Variants in CHRM3 observed in about 807,000 individuals in gnomAD.
CHRM3 encodes muscarinic acetylcholine receptor M3.
In CHRM3, 11 loss-of-function variants were observed where a neutral mutation model predicts 41.8. The observed-to-expected ratio is 0.26, with a 90% CI of 0.17 to 0.44. CHRM3 has a LOEUF of 0.44. CHRM3 is among the 20% of genes least tolerant of loss of function. The pLI is 1.00. For missense variants in CHRM3, 571 were observed against 745.4 expected, an observed-to-expected ratio of 0.77 and a Z score of 2.72; for synonymous variants, 297 against 301.4, an observed-to-expected ratio of 0.99 and a Z score of 0.15.
chr1:239,479,589 A>C (rs905798867), intron 1 of CHRM3, among the ~76,000 whole-genome samples: 5 of 152,186 alleles, frequency 3.3e-5, no homozygotes, highest in Non-Finnish European at 7.3e-5. Context: ...GAGTGCACTT[A>C]CACAAGCCAA....
At chr1:239,647,882 T>C (rs901579712) in intron 4 of CHRM3, among the ~76,000 whole-genome samples, 2 of 152,160 alleles carry the variant, frequency 1.3e-5, no homozygotes, top group Admixed American at 1.3e-4. Flanking sequence ...TTGGCTTCTA[T>C]GTCTCTCAGT....
chr1:239,779,164 G>A (rs977284870), intron 5 of CHRM3, among the ~76,000 whole-genome samples: 5 of 152,038 alleles, frequency 3.3e-5, no homozygotes, highest in South Asian at 2.1e-4. Context: ...TAGACTACAC[G>A]TTTTAGAGAA....
chr1:239,660,534 C>A (rs1252966031), intron 4 of CHRM3, among the ~76,000 whole-genome samples: 1 of 152,126 alleles, frequency 6.6e-6, no homozygotes, highest in Non-Finnish European at 1.5e-5. Context: ...TGAACACTTA[C>A]TATATTCCAG....
intron 5 of CHRM3, among the ~76,000 whole-genome samples, chr1:239,808,363 A>G (rs1445077091): frequency 6.6e-6 from 1 of 152,158 alleles, no homozygotes; most frequent in African/African-American, 2.4e-5. Context: ...ATTAATCTGC[A>G]ACAGAGAAGG....
In CHRM3 at chr1:239,907,622, T is replaced by G. The variant is rs201554826; in HGVS notation, c.171T>G (p.Asp57Glu). ...TCTCCTCTCCAGACGGTACCACCGA[T>G]GACCCTCTGGGAGGTCATACCGTCT... Reference protein sequence around the residue: ...GNFSSPDGTTDDPLGGHTVWQ... With the variant: ...GNFSSPDGTTEDPLGGHTVWQ... The change falls in exon 7 of 7, where the codon GAT (aspartate) becomes GAG (glutamate). Residue 57 changes from aspartate (D) to glutamate (E), a missense_variant. Physicochemically the swap from Asp to Glu is conservative, Grantham distance 45. Around this residue, in one of 5 missense-constraint regions of CHRM3, gnomAD observed 92 missense variants for 76.1 expected, o/e 1.21. Coordinates refer to ENST00000676153, the MANE Select transcript of CHRM3 (RefSeq NM_001375978.1). This position sits in a 1 kb window ranked among gnomAD's most constrained non-coding sequence, Gnocchi z 5.4. 2 of 1,614,228 alleles carry G rather than the reference T, an allele frequency of 1.2e-6. No individual in the cohort carries two copies. The highest frequency in any genetic ancestry group is 1.7e-6 in the Non-Finnish European group (2 of 1,180,038).
In CHRM3 at chr1:239,914,732, C is replaced by T; in HGVS notation, c.*5508C>T. 2 of 167,160 alleles carry T rather than the reference C, an allele frequency of 1.2e-5. No individual in the cohort carries two copies. 10.4% of individuals were successfully genotyped at this position (167,160 alleles called of 1,614,324 possible). On this transcript the variant is annotated 3_prime_UTR_variant, in exon 7 of 7. Transcript: ENST00000676153. ...CTGGAGGGCCTGGAGAGTTCATAAA[C>T]ATAGTTTTCTGTGCAAGTGAAGATC...
At chr1:239,805,652 G>A (rs1470635067) in intron 5 of CHRM3, among the ~76,000 whole-genome samples, 2 of 151,984 alleles carry the variant, frequency 1.3e-5, no homozygotes, top group African/African-American at 4.8e-5. Context: ...GTGTGTGTGT[G>A]TGTATACACA....
chr1:239,618,635 G>A (rs899931949), intron 3 of CHRM3, among the ~76,000 whole-genome samples: 2 of 151,666 alleles, frequency 1.3e-5, no homozygotes, highest in Non-Finnish European at 1.5e-5. Context: ...ACGAGGTCAG[G>A]AGATCGAGAC....
intron 6 of CHRM3, among the ~76,000 whole-genome samples, chr1:239,838,197 G>A (rs1373067889): frequency 1.3e-5 from 2 of 152,280 alleles, no homozygotes; most frequent in Middle Eastern, 3.4e-3. Context: ...TATTTGGACT[G>A]AAGAAAGGGG....
At chr1:239,710,531 G>C in intron 5 of CHRM3, among the ~76,000 whole-genome samples, 1 of 152,070 alleles carries the variant, frequency 6.6e-6, no homozygotes, top group Non-Finnish European at 1.5e-5. Context: ...TGACATATGA[G>C]CAGGAGGGTA....
At chr1:239,451,145 G>A (rs1664526914) in intron 1 of CHRM3, among the ~76,000 whole-genome samples, 1 of 152,162 alleles carries the variant, frequency 6.6e-6, no homozygotes. Context: ...GATTGCTTGA[G>A]CCCGGGGGTT....
At chr1:239,647,300 G>A (rs2148951566) in intron 4 of CHRM3, among the ~76,000 whole-genome samples, 1 of 152,210 alleles carries the variant, frequency 6.6e-6, no homozygotes, top group Non-Finnish European at 1.5e-5. Flanking sequence ...CCTTCTAGTT[G>A]ATAAGCCCTC....
chr1:239,416,637 G>A (rs947618314), intron 1 of CHRM3, among the ~76,000 whole-genome samples: 3 of 152,154 alleles, frequency 2.0e-5, no homozygotes, highest in South Asian at 4.2e-4. Context: ...AAGAGGAAAA[G>A]GTTTAAGTTA....
chr1:239,868,540 T>C (rs1676311304), intron 6 of CHRM3, among the ~76,000 whole-genome samples: 1 of 152,140 alleles, frequency 6.6e-6, no homozygotes, highest in Admixed American at 6.5e-5. Flanking sequence ...TACTATAAAC[T>C]TTAAGCTGTT....
chr1:239,762,026 T>A (rs767774405), intron 5 of CHRM3, among the ~76,000 whole-genome samples: 8 of 152,196 alleles, frequency 5.3e-5, no homozygotes, highest in Non-Finnish European at 1.0e-4. Context: ...TCACTTTGCT[T>A]GGTTCCCTTT....
At chr1:239,640,102 C>T (rs1185456183) in intron 4 of CHRM3, among the ~76,000 whole-genome samples, 1 of 151,580 alleles carries the variant, frequency 6.6e-6, no homozygotes, top group Non-Finnish European at 1.5e-5. Flanking sequence ...GCCTTGCATC[C>T]CAGGGATGAA....
intron 4 of CHRM3, among the ~76,000 whole-genome samples, chr1:239,634,481 T>A (rs796599678): frequency 8.7e-5 from 13 of 149,098 alleles, no homozygotes; most frequent in African/African-American, 3.2e-4. Context: ...TTTGGGAAAA[T>A]CAGTTTATAT....
At chr1:239,798,155 C>T (rs1329947352) in intron 5 of CHRM3, among the ~76,000 whole-genome samples, 4 of 152,120 alleles carry the variant, frequency 2.6e-5, no homozygotes, top group Admixed American at 6.5e-5. Flanking sequence ...TGGGAGTCAC[C>T]CTTGTTTCTT....
At chr1:239,877,636 G>T (rs1034276878) in intron 6 of CHRM3, among the ~76,000 whole-genome samples, 2 of 152,140 alleles carry the variant, frequency 1.3e-5, no homozygotes, top group Admixed American at 6.6e-5. Flanking sequence ...AAGGTGAATT[G>T]AATTTCTTAA....
Sources: allele counts gnomAD v4.1 joint callset (sites outside exome capture counted in the v4.1 genomes callset), GRCh38; gene constraint gnomAD v4.1.1; regional missense constraint gnomAD v4.1.1; non-coding constraint Gnocchi (gnomAD v3.1); transcripts MANE v1.5; gene names NCBI Gene and HGNC (gene_info 2026-07-23, HGNC 2026-07-21).